The following DPP6 variants were observed in gnomAD, a reference collection of about 807,000 sequenced individuals.
The protein encoded by DPP6 is dipeptidyl peptidase like 6.
Under a neutral mutation model 122.6 loss-of-function variants are expected in DPP6, and 69 were observed. The observed-to-expected ratio is 0.56, with a 90% CI of 0.46 to 0.69. DPP6 has a LOEUF of 0.69. DPP6 is among the 30% of genes least tolerant of loss of function. The probability of loss-of-function intolerance (pLI) is 0.00; values close to 1 mark genes in which losing one functional copy is unlikely to be tolerated. For missense variants in DPP6, 928 were observed against 1,116.9 expected (o/e 0.83, Z 2.41); for synonymous variants, 418 against 433.1 (o/e 0.97, Z 0.43).
In DPP6 at chr7:154,624,495, C is replaced by A. The variant is rs1188179457; in HGVS notation, c.628-13326C>A. Among the ~76,000 whole-genome samples, 8 of 152,082 alleles carry A rather than the reference C, an allele frequency of 5.3e-5. No homozygotes were observed. In the South Asian group the frequency reaches 1.5e-3, roughly 28 times the overall value. On this transcript the variant is annotated intron_variant, in intron 5 of 25. Transcript: ENST00000377770. This position sits in a 1 kb window ranked among gnomAD's most constrained non-coding sequence, Gnocchi z 4.7. ...CTGTCTCAACAAACAAACAAACAAA[C>A]AAAAAATATATGCAGAGAAGAGAGT... is the stretch of plus-strand genomic sequence containing the variant.
intron 1 of DPP6, among the ~76,000 whole-genome samples, chr7:154,021,371 G>A (rs994625109): frequency 1.3e-5 from 2 of 152,088 alleles, no homozygotes; most frequent in Non-Finnish European, 2.9e-5. Flanking sequence ...CCCTGATGCC[G>A]GTACTCAGGG....
chr7:154,239,382 T>C lies in DPP6; in HGVS notation c.243+186319T>C, dbSNP rs1426508436. On this transcript the variant is annotated intron_variant, in intron 1 of 25. Coordinates refer to ENST00000377770, the MANE Select transcript of DPP6 (RefSeq NM_130797.4). ...GATTTTCTTCTGCCTCTGCCACCCC[T>C]GAAACAGCAAGACCAGCCCTTCCTC... 2.6e-5 allele frequency among the ~76,000 whole-genome samples: 4 copies of C among 152,296 alleles called. No individual in the cohort carries two copies. In the East Asian group the frequency reaches 7.7e-4, roughly 29 times the overall value.
chr7:154,167,645 G>T (rs528569307), intron 1 of DPP6, among the ~76,000 whole-genome samples: 1 of 152,288 alleles, frequency 6.6e-6, no homozygotes, highest in African/African-American at 2.4e-5. Context: ...CCTGCAGGGG[G>T]TTAGGTAGCT....
chr7:154,312,623 G>A (rs1427968762), intron 1 of DPP6, among the ~76,000 whole-genome samples: 1 of 152,134 alleles, frequency 6.6e-6, no homozygotes, highest in East Asian at 1.9e-4. Flanking sequence ...TGTATGTGTG[G>A]GCAGAGGGGG....
intron 1 of DPP6, among the ~76,000 whole-genome samples, chr7:154,281,398 C>G (rs931075388): frequency 1.3e-5 from 2 of 152,138 alleles, no homozygotes. Context: ...GGTGGGCTCT[C>G]CCTGGGCTGT....
intron 1 of DPP6, among the ~76,000 whole-genome samples, chr7:154,221,188 T>C (rs569509007): frequency 6.6e-6 from 1 of 152,288 alleles, no homozygotes; most frequent in South Asian, 2.1e-4. Flanking sequence ...TCACCCAGGC[T>C]GGAGTGCAGT....
At chr7:153,776,881 C>T in the DPP6 span, among the ~76,000 whole-genome samples, 8 of 152,032 alleles carry the variant, frequency 5.3e-5, no homozygotes, top group South Asian at 4.1e-4. Context: ...AAGCAATATT[C>T]GTAAAAGGAA....
intron 1 of DPP6, among the ~76,000 whole-genome samples, chr7:153,909,325 G>C (rs1247991705): frequency 1.3e-5 from 2 of 152,154 alleles, no homozygotes; most frequent in Non-Finnish European, 2.9e-5. Flanking sequence ...GCTGGGCATT[G>C]TTGTAGAGCA....
chr7:154,354,080 G>A (rs1298418003), intron 1 of DPP6, among the ~76,000 whole-genome samples: 1 of 152,116 alleles, frequency 6.6e-6, no homozygotes, highest in South Asian at 2.1e-4. Flanking sequence ...CTCCCTCTGT[G>A]CACCAGCCCT....
chr7:154,432,849 T>G (rs1437379329), intron 1 of DPP6, among the ~76,000 whole-genome samples: 1 of 152,148 alleles, frequency 6.6e-6, no homozygotes, highest in East Asian at 1.9e-4. Context: ...AAAGAAAAAT[T>G]GTACTTAGGA....
At chr7:154,200,043 C>T (rs138619302) in intron 1 of DPP6, among the ~76,000 whole-genome samples, 341 of 152,266 alleles carry the variant, frequency 2.2e-3, no homozygotes, top group East Asian at 0.013. Context: ...TGGAATTACT[C>T]GGAGCTTTTA....
intron 1 of DPP6, among the ~76,000 whole-genome samples, chr7:153,967,752 A>C (rs39165): frequency 0.35 from 52,968 of 151,796 alleles, 10,093 homozygotes; most frequent in Middle Eastern, 0.44. Context: ...TCTTTCACAA[A>C]CTATTAATGA....
At chr7:153,926,965 C>A (rs1800930451) in intron 1 of DPP6, among the ~76,000 whole-genome samples, 3 of 151,898 alleles carry the variant, frequency 2.0e-5, no homozygotes, top group Admixed American at 2.0e-4. Context: ...AAAAGTTTAC[C>A]TGAAATTCTG....
At chr7:154,545,470 C>CCCTTCCTT (rs772501516) in intron 4 of DPP6, among the ~76,000 whole-genome samples, 9 of 124,300 alleles carry the variant, frequency 7.2e-5, no homozygotes, top group African/African-American at 2.8e-4. Flanking sequence ...CTCCCTCCCT[C>CCCTTCCTT]CCTTCCTTCC....
At chr7:153,863,423 C>T in the DPP6 span, among the ~76,000 whole-genome samples, 1 of 152,214 alleles carries the variant, frequency 6.6e-6, no homozygotes, top group South Asian at 2.1e-4. Flanking sequence ...ACAAACCTTC[C>T]AAGTGCAAAA....
At chr7:154,844,266 A>G (rs1333280313) in intron 16 of DPP6, among the ~76,000 whole-genome samples, 1 of 152,248 alleles carries the variant, frequency 6.6e-6, no homozygotes, top group Non-Finnish European at 1.5e-5. Context: ...CCAATGTGGT[A>G]AAAACCCCTC....
intron 1 of DPP6, among the ~76,000 whole-genome samples, chr7:154,117,618 C>T (rs1252357261): frequency 2.0e-5 from 3 of 152,184 alleles, no homozygotes; most frequent in Non-Finnish European, 4.4e-5. Flanking sequence ...CCTGCCAGCT[C>T]GCCACAATGA....
chr7:154,687,273 A>G (rs535165488), intron 7 of DPP6, among the ~76,000 whole-genome samples: 1 of 152,340 alleles, frequency 6.6e-6, no homozygotes, highest in East Asian at 1.9e-4. Flanking sequence ...GTTTTCTGTC[A>G]TAGTCCATTA....
intron 1 of DPP6, among the ~76,000 whole-genome samples, chr7:153,978,021 C>T (rs1344006461): frequency 2.6e-5 from 4 of 152,072 alleles, no homozygotes; most frequent in Admixed American, 1.3e-4. Context: ...TATACGTGTG[C>T]ATGTGTCTTT....
Sources: allele counts gnomAD v4.1 joint callset (sites outside exome capture counted in the v4.1 genomes callset), GRCh38; gene constraint gnomAD v4.1.1; non-coding constraint Gnocchi (gnomAD v3.1); transcripts MANE v1.5; gene names NCBI Gene and HGNC (gene_info 2026-07-23, HGNC 2026-07-21).